ATRNL1: variants seen among roughly 807,000 people sequenced by gnomAD.
ATRNL1 encodes attractin-like protein 1.
ATRNL1 carries 95 observed loss-of-function variants against 182.7 expected under a neutral mutation model. The observed-to-expected ratio is 0.52, with a 90% CI of 0.44 to 0.62. The LOEUF (loss-of-function observed/expected upper bound fraction) is 0.62. Among genes scored for constraint, ATRNL1 ranks in the 20% least tolerant of loss-of-function variants. The probability of loss-of-function intolerance (pLI) is 0.00; values close to 1 mark genes in which losing one functional copy is unlikely to be tolerated. For missense variants in ATRNL1, 1,471 were observed against 1,679.5 expected (o/e 0.88, Z 2.17); for synonymous variants, 576 against 568.3 (o/e 1.01, Z -0.19).
intron 1 of ATRNL1, among the ~76,000 whole-genome samples, chr10:115,105,159 C>A (rs763270546): frequency 2.7e-4 from 41 of 152,110 alleles, no homozygotes; most frequent in Non-Finnish European, 5.4e-4. Flanking sequence ...GACATTTTAA[C>A]AATATTGATT....
chr10:115,304,012 A>G (rs1419160062), intron 17 of ATRNL1, among the ~76,000 whole-genome samples: 4 of 152,184 alleles, frequency 2.6e-5, no homozygotes, highest in East Asian at 1.9e-4. Context: ...CACTATCATC[A>G]TCTCTCTTCA....
chr10:115,698,785 AAAG>A (rs1374883586), intron 26 of ATRNL1, among the ~76,000 whole-genome samples: 14 of 152,112 alleles, frequency 9.2e-5, no homozygotes, highest in African/African-American at 2.4e-4. Context: ...TCAAAAAAAA[AAAG>A]AAGAAGAAAT....
At chr10:115,291,154 G>C (rs1554920742) in intron 15 of ATRNL1, among the ~76,000 whole-genome samples, 1 of 152,132 alleles carries the variant, frequency 6.6e-6, no homozygotes, top group African/African-American at 2.4e-5. Flanking sequence ...TAAAAGGGAA[G>C]TCTTGCTCAG....
At chr10:115,125,063 A>G (rs1439019147) in intron 3 of ATRNL1, among the ~76,000 whole-genome samples, 6 of 152,204 alleles carry the variant, frequency 3.9e-5, no homozygotes, top group Admixed American at 1.3e-4. Flanking sequence ...GTATAGACAC[A>G]TTAAAGAGCA....
chr10:115,461,929 TC>T lies in ATRNL1; in HGVS notation c.3323-10del, dbSNP rs781993269. On this transcript the variant is annotated splice_polypyrimidine_tract_variant and intron_variant, in intron 21 of 28. Coordinates refer to ENST00000355044, the MANE Select transcript of ATRNL1 (RefSeq NM_207303.4). ...GTACATATCAGGATTGTACTTTTTT[TC>T]CTCCCTACAGACAGCCTTTTGATTG... is the stretch of plus-strand genomic sequence containing the variant. The T allele has an allele frequency of 1.3e-6, 2 of 1,593,342 alleles. No homozygotes were observed. The highest frequency in any genetic ancestry group is 3.5e-5 in the Admixed American group (2 of 57,664).
At chr10:115,094,124 C>T (rs966839587) in intron 1 of ATRNL1, 81 bp downstream of exon 1, 6 of 1,256,036 alleles carry the variant, frequency 4.8e-6, no homozygotes, top group East Asian at 6.3e-5. Flanking sequence ...CGCGGCCTCC[C>T]CCGCCCCCGT....
intron 27 of ATRNL1, among the ~76,000 whole-genome samples, chr10:115,786,865 T>A (rs991389): frequency 1.3e-5 from 2 of 151,968 alleles, no homozygotes; most frequent in Non-Finnish European, 2.9e-5. Context: ...ATGTTAAACC[T>A]TTATTATGTC....
chr10:115,889,531 A>G (rs1270673468), intron 28 of ATRNL1, among the ~76,000 whole-genome samples: 1 of 152,144 alleles, frequency 6.6e-6, no homozygotes, highest in Admixed American at 6.5e-5. Flanking sequence ...GGCTTCCTAT[A>G]TGTGATATTA....
At chr10:115,470,656 C>T (rs1378391621) in intron 24 of ATRNL1, among the ~76,000 whole-genome samples, 2 of 150,174 alleles carry the variant, frequency 1.3e-5, no homozygotes, top group Non-Finnish European at 3.0e-5. Flanking sequence ...TTTTTGAATA[C>T]TTAATGGTTA....
intron 22 of ATRNL1, among the ~76,000 whole-genome samples, chr10:115,464,844 A>G (rs2134545441): frequency 6.6e-6 from 1 of 151,646 alleles, no homozygotes; most frequent in South Asian, 2.1e-4. Context: ...ATTAATAGTA[A>G]AAAAATCCAC....
At chr10:115,706,234 C>G (rs553960297) in intron 26 of ATRNL1, among the ~76,000 whole-genome samples, 1 of 151,928 alleles carries the variant, frequency 6.6e-6, no homozygotes, top group East Asian at 1.9e-4. Context: ...TTCCTTGGCT[C>G]CTGGCCCTTG....
intron 19 of ATRNL1, among the ~76,000 whole-genome samples, chr10:115,362,765 G>A (rs1222470233): frequency 1.3e-5 from 2 of 151,840 alleles, no homozygotes; most frequent in Non-Finnish European, 2.9e-5. Context: ...GTGAGAATAT[G>A]CAGTGTTTGG....
intron 26 of ATRNL1, among the ~76,000 whole-genome samples, chr10:115,724,470 C>T (rs1353170346): frequency 2.0e-5 from 3 of 152,120 alleles, no homozygotes; most frequent in East Asian, 1.9e-4. Context: ...TTATTGAGTG[C>T]TCACAATGTG....
At chr10:115,824,576 A>G (rs935208163) in intron 27 of ATRNL1, among the ~76,000 whole-genome samples, 1 of 152,186 alleles carries the variant, frequency 6.6e-6, no homozygotes, top group Non-Finnish European at 1.5e-5. Context: ...GAAACTTACA[A>G]GAAAAAAAAA....
At chr10:115,122,136 A>G (rs1844765154) in intron 3 of ATRNL1, among the ~76,000 whole-genome samples, 1 of 151,892 alleles carries the variant, frequency 6.6e-6, no homozygotes, top group African/African-American at 2.4e-5. Flanking sequence ...GTTCTAGCTG[A>G]CAAATAAATA....
At chr10:115,924,932 G>T (rs180998137) in intron 28 of ATRNL1, among the ~76,000 whole-genome samples, 1 of 152,186 alleles carries the variant, frequency 6.6e-6, no homozygotes, top group African/African-American at 2.4e-5. Context: ...TTGAGCAGTG[G>T]TTTGTACTTC....
At chr10:115,696,790 A>G (rs1252630701) in intron 26 of ATRNL1, among the ~76,000 whole-genome samples, 4 of 152,090 alleles carry the variant, frequency 2.6e-5, no homozygotes, top group Non-Finnish European at 4.4e-5. Context: ...TCACAGTTCC[A>G]CATGGCTGAG....
chr10:115,915,354 C>T (rs1045201877), intron 28 of ATRNL1, among the ~76,000 whole-genome samples: 1 of 151,358 alleles, frequency 6.6e-6, no homozygotes, highest in Non-Finnish European at 1.5e-5. Flanking sequence ...GCGGAGATCG[C>T]GCCACTGCAC....
chr10:115,744,647 A>G (rs1279433423), intron 27 of ATRNL1, among the ~76,000 whole-genome samples: 1 of 152,094 alleles, frequency 6.6e-6, no homozygotes, highest in East Asian at 1.9e-4. Flanking sequence ...TCTTTTTGCC[A>G]TAATATTTGA....
Sources: allele counts gnomAD v4.1 joint callset (sites outside exome capture counted in the v4.1 genomes callset), GRCh38; gene constraint gnomAD v4.1.1; transcripts MANE v1.5; gene names NCBI Gene and HGNC (gene_info 2026-07-23, HGNC 2026-07-21).